The following QDPR variants were observed in gnomAD, a reference collection of about 807,000 sequenced individuals.
The protein encoded by QDPR is dihydropteridine reductase.
QDPR carries 23 observed loss-of-function variants against 31.7 expected under a neutral mutation model. The ratio of observed to expected loss-of-function variants is 0.73; its 90% CI spans 0.52 to 1.03. The LOEUF is 1.03. QDPR is among the 50% of genes least tolerant of loss of function. The pLI, the probability that QDPR is intolerant of heterozygous loss-of-function variation, is 0.00. For synonymous variants in QDPR, 124 were observed against 124.7 expected (o/e 0.99, Z 0.03); for missense variants, 324 against 323.8 (o/e 1.00, Z 0.00).
In QDPR at chr4:17,490,739, G is replaced by A. The variant is rs1339224350; in HGVS notation, c.552C>T (p.Thr184=). Residue 184 remains threonine (T), a synonymous_variant, in exon 6 of 7, where the codon ACC becomes ACT. Coordinates refer to ENST00000281243, the MANE Select transcript of QDPR (RefSeq NM_000320.3). ...ATTTCCTGTTCATCGGGGTATCCAGGGTAACCCTGCAATGGACACAGATAA... is the reference window on the plus strand; with the variant it reads ...ATTTCCTGTTCATCGGGGTATCCAGAGTAACCCTGCAATGGACACAGATAA... The part of the protein sequence containing the change: ...GAAAIAVLPV[T]LDTPMNRKSM... 3 of 1,613,314 alleles carry A rather than the reference G, an allele frequency of 1.9e-6. No individual in the cohort carries two copies. Among genetic ancestry groups the A allele is most frequent in the Non-Finnish European group, 2.5e-6 (3 of 1,179,562 alleles).
rs984904012 is a variant in QDPR, at chr4:17,486,546, T to A, written c.*585A>T. The A allele has an allele frequency of 6.4e-6, 1 of 155,954 alleles. No individual in the cohort carries two copies. The highest frequency in any genetic ancestry group is 1.4e-5 in the Non-Finnish European group (1 of 70,160). 9.7% of individuals were successfully genotyped at this position (155,954 alleles called of 1,614,324 possible). ...TTGATTAAAGAAGACAGACAACAAG[T>A]GCATTTATTAGGAACAACATTCTGA... On this transcript the variant is annotated 3_prime_UTR_variant, in exon 7 of 7. Transcript: ENST00000281243.
chr4:17,494,664 G>C (rs1718289479), intron 4 of QDPR, among the ~76,000 whole-genome samples: 1 of 152,168 alleles, frequency 6.6e-6, no homozygotes, highest in South Asian at 2.1e-4. Context: ...GAGCACAGAG[G>C]AACACTCAAT....
intron 4 of QDPR, among the ~76,000 whole-genome samples, chr4:17,497,475 G>A (rs532099282): frequency 6.7e-6 from 1 of 150,002 alleles, no homozygotes; most frequent in African/African-American, 2.5e-5. Context: ...CACACCACCC[G>A]CACCCTTGCT....
intron 4 of QDPR, among the ~76,000 whole-genome samples, chr4:17,498,936 T>C (rs533737529): frequency 6.6e-6 from 1 of 152,350 alleles, no homozygotes; most frequent in African/African-American, 2.4e-5. Context: ...ACTTAAAAGA[T>C]CTCATGACTC....
Position 17,486,769 on chromosome 4 carries a change from T to G in QDPR, c.*362A>C, listed in dbSNP as rs1717971271. ...TTCAAAAATAACTCAGCCTTTAAAATGTCCCCAATACCAACAAATCAACAA... is the reference window on the plus strand; with the variant it reads ...TTCAAAAATAACTCAGCCTTTAAAAGGTCCCCAATACCAACAAATCAACAA... On this transcript the variant is annotated 3_prime_UTR_variant, in exon 7 of 7. Transcript: ENST00000281243. The G allele has an allele frequency of 3.9e-6, 1 of 254,816 alleles. No homozygotes were observed. Among genetic ancestry groups the G allele is most frequent in the Admixed American group, 4.8e-5 (1 of 20,742 alleles). 15.8% of individuals were successfully genotyped at this position (254,816 alleles called of 1,614,324 possible).
At position 17,492,257 on chromosome 4, in the gene QDPR, C is replaced by T. The variant is rs755535883; in HGVS notation, c.520G>A (p.Gly174Arg). The part of the protein sequence containing the change: ...LAGKNSGMPP[G>R]AAAIAVLPVT... ...GGGAGCACAGCGATGGCGGCTGCCCCGGGCGGCATGCCGCTGTTCTTCCCA... is the reference window on the plus strand; with the variant it reads ...GGGAGCACAGCGATGGCGGCTGCCCTGGGCGGCATGCCGCTGTTCTTCCCA... Residue 174 changes from glycine (G) to arginine (R), a missense_variant, in exon 5 of 7, where the codon GGG (glycine) becomes AGG (arginine). Transcript: ENST00000281243. The T allele has an allele frequency of 1.6e-5, 26 of 1,613,866 alleles. No individual in the cohort carries two copies. Among genetic ancestry groups the T allele is most frequent in the Middle Eastern group, 1.7e-4 (1 of 6,058 alleles).
chr4:17,511,593 C>T (rs1170674965), intron 1 of QDPR, among the ~76,000 whole-genome samples: 2 of 152,160 alleles, frequency 1.3e-5, no homozygotes, highest in African/African-American at 4.8e-5. Context: ...GACTAGTAAC[C>T]GGGACTGGGC....
chr4:17,496,442 C>CAAAAACAAAAAAAAAAACAAAAAAAAA (rs1718356916), intron 4 of QDPR, among the ~76,000 whole-genome samples: 1 of 64,608 alleles, frequency 1.5e-5, no homozygotes, highest in Non-Finnish European at 2.8e-5. Context: ...AAAACTGTCT[C>CAAAAACAAAAAAAAAAACAAAAAAAAA]AAAAAAAAAA....
chr4:17,491,540 C>A (rs1718165245), intron 5 of QDPR, among the ~76,000 whole-genome samples: 1 of 152,032 alleles, frequency 6.6e-6, no homozygotes, highest in African/African-American at 2.4e-5. Flanking sequence ...TTCCCATATT[C>A]TCTCTCTCTC....
chr4:17,504,762 A>G (rs991757749), intron 2 of QDPR, among the ~76,000 whole-genome samples: 6 of 151,758 alleles, frequency 4.0e-5, no homozygotes, highest in African/African-American at 1.5e-4. Flanking sequence ...TTAATAAATA[A>G]AAGTAGGGAA....
Position 17,492,319 on chromosome 4 carries a change from G to A in QDPR, c.458C>T (p.Ala153Val), listed in dbSNP as rs1718195106. The A allele has an allele frequency of 1.2e-6, 2 of 1,614,086 alleles. No individual in the cohort carries two copies. Among genetic ancestry groups the A allele is most frequent in the Non-Finnish European group, 8.5e-7 (1 of 1,180,048 alleles). The change falls in exon 5 of 7, where the codon GCC becomes GTC. Residue 153 changes from alanine (A) to valine (V), a missense_variant. Coordinates refer to ENST00000281243, the MANE Select transcript of QDPR (RefSeq NM_000320.3). ...GCAGAGCTGGTGAACAGCACCCTTG[G>A]CCATGCCGTACCCGATCATACCTGG... ...GTPGMIGYGM[A>V]KGAVHQLCQS...
chr4:17,487,138 T>C lies in QDPR; in HGVS notation c.728A>G (p.Tyr243Cys), dbSNP rs565356844. 78 of 1,613,988 alleles carry C rather than the reference T, an allele frequency of 4.8e-5. No homozygotes were observed. Among genetic ancestry groups the C allele is most frequent in the Admixed American group, 1.2e-4 (7 of 60,028 alleles). ...TEGRTELTPAYF is the reference protein window; with the variant it reads ...TEGRTELTPACF ...TAGGCACTGAGATGAGGCCTAAAAA[T>C]ATGCTGGGGTGAGTTCCGTCCTTCC... The change falls in exon 7 of 7, where the codon TAT becomes TGT. Residue 243 changes from tyrosine (Y) to cysteine (C), a missense_variant. Physicochemically the swap from Tyr to Cys is radical, Grantham distance 194. Transcript: ENST00000281243.
chr4:17,511,879 C>G, intron 1 of QDPR, 71 bp downstream of exon 1: 2 of 1,526,206 alleles, frequency 1.3e-6, no homozygotes, highest in South Asian at 2.3e-5. Context: ...TAGACTGCCC[C>G]CCGCCGGGTT....
intron 6 of QDPR, among the ~76,000 whole-genome samples, chr4:17,488,072 C>A (rs2597770): frequency 8.6e-5 from 13 of 151,916 alleles, no homozygotes; most frequent in Admixed American, 2.6e-4. Flanking sequence ...TGAGACCAGC[C>A]TGGGCAACTG....
At chr4:17,508,312 G>A (rs1479737294) in intron 2 of QDPR, among the ~76,000 whole-genome samples, 1 of 152,190 alleles carries the variant, frequency 6.6e-6, no homozygotes, top group Non-Finnish European at 1.5e-5. Context: ...TGGGGTGCAT[G>A]CCTGTAATCC....
chr4:17,505,107 T>C (rs374557621), intron 2 of QDPR, among the ~76,000 whole-genome samples: 1 of 152,330 alleles, frequency 6.6e-6, no homozygotes, highest in East Asian at 1.9e-4. Flanking sequence ...GTATGCCCTC[T>C]TGTTATAATT....
intron 4 of QDPR, among the ~76,000 whole-genome samples, chr4:17,498,390 T>G (rs1718440100): frequency 1.3e-5 from 2 of 152,302 alleles, no homozygotes; most frequent in South Asian, 4.2e-4. Context: ...AACTCTTCAG[T>G]GATTAAAATA....
chr4:17,508,646 A>C (rs1219338515), intron 2 of QDPR, among the ~76,000 whole-genome samples: 1 of 151,932 alleles, frequency 6.6e-6, no homozygotes, highest in Non-Finnish European at 1.5e-5. Context: ...AAAAAAAAAA[A>C]AACAAAGCTT....
At chr4:17,503,753 C>A (rs1718652045) in intron 3 of QDPR, among the ~76,000 whole-genome samples, 1 of 152,168 alleles carries the variant, frequency 6.6e-6, no homozygotes, top group East Asian at 1.9e-4. Context: ...AGTTCAAGAC[C>A]AGCCTGGGCA....
Sources: gnomAD v4.1 joint callset for allele counts (sites outside exome capture counted in the v4.1 genomes callset) on GRCh38, gnomAD v4.1.1 for gene constraint, MANE v1.5 for transcripts, NCBI Gene and HGNC (gene_info 2026-07-23, HGNC 2026-07-21) for gene names.